Variants in LYRM4 observed in about 807,000 individuals in gnomAD.
LYRM4 encodes the protein LYR motif containing 4.
Under a neutral mutation model 11.7 loss-of-function variants are expected in LYRM4, and 9 were observed. That is an observed-to-expected ratio of 0.77 (90% confidence interval 0.46 to 1.34). The LOEUF is 1.34. Ranked by LOEUF, LYRM4 falls within the 40% of genes most tolerant of loss-of-function variation. The pLI is 0.00. For missense variants in LYRM4, 133 were observed against 112.5 expected (o/e 1.18, Z -0.82); for synonymous variants, 42 against 40.4 (o/e 1.04, Z -0.15).
the LYRM4 span, chr6:5,054,100 G>C: frequency 1.0e-6 from 1 of 984,946 alleles, no homozygotes; most frequent in Non-Finnish European, 1.2e-6. Flanking sequence ...ACTAACGCCA[G>C]ATGCCTCTGT....
intron 2 of LYRM4, among the ~76,000 whole-genome samples, chr6:5,196,435 G>A (rs989442197): frequency 4.6e-5 from 7 of 152,152 alleles, no homozygotes; most frequent in East Asian, 1.9e-4. Flanking sequence ...GGACTCAGAC[G>A]GCCCTGAGTT....
chr6:5,126,188 T>A (rs1239451079), intron 2 of LYRM4, among the ~76,000 whole-genome samples: 3 of 152,220 alleles, frequency 2.0e-5, no homozygotes, highest in Non-Finnish European at 4.4e-5. Flanking sequence ...TGCAGAACAA[T>A]GACTCTTCCA....
At chr6:5,052,028 G>T in the LYRM4 span, among the ~76,000 whole-genome samples, 1 of 152,074 alleles carries the variant, frequency 6.6e-6, no homozygotes, top group Non-Finnish European at 1.5e-5. Flanking sequence ...TTCCCATTAG[G>T]CCTCACTTCC....
chr6:5,245,368 C>A (rs1485870907), intron 1 of LYRM4, among the ~76,000 whole-genome samples: 1 of 151,688 alleles, frequency 6.6e-6, no homozygotes, highest in African/African-American at 2.4e-5. Context: ...AAGCAGCACA[C>A]ACACATGCAG....
intron 2 of LYRM4, among the ~76,000 whole-genome samples, chr6:5,170,746 G>C (rs1182368798): frequency 6.6e-6 from 1 of 152,076 alleles, no homozygotes; most frequent in Non-Finnish European, 1.5e-5. Context: ...CCCCAATTGG[G>C]GATGTATAAA....
rs57538719 is a variant in LYRM4 at position 5,178,446 on chromosome 6, CTTTTT to C, written c.207+38167_207+38171del. On this transcript the variant is annotated intron_variant, in intron 2 of 2. Coordinates refer to ENST00000330636, the MANE Select transcript of LYRM4 (RefSeq NM_020408.6). ...AAAAATTGTTTAGGGATTCATAACT[CTTTTT>C]TTTTTTTTTTAATTAAGCTTCTAAA... 4.9e-5 allele frequency among the ~76,000 whole-genome samples: 7 copies of C among 143,072 alleles called. No homozygotes were observed. In the South Asian group the frequency reaches 1.4e-3, roughly 28 times the overall value. 93.9% of individuals were successfully genotyped at this position (143,072 alleles called of 152,430 possible).
At position 5,198,831 on chromosome 6, in the gene LYRM4, T is replaced by C. The variant is rs141423247; in HGVS notation, c.207+17787A>G. ...AGCCTTCTAATCTAGATCTGGTTGT[T>C]TCATGTATAAAAGGTATATCTTACA... On this transcript the variant is annotated intron_variant, in intron 2 of 2. Transcript: ENST00000330636. Among the ~76,000 whole-genome samples, 62 of 152,292 alleles carry C rather than the reference T, an allele frequency of 4.1e-4. 3 individuals are homozygous for C. The East Asian group carries it at 0.01, about 26-fold the overall frequency.
chr6:5,046,257 C>T, the LYRM4 span, among the ~76,000 whole-genome samples: 2 of 152,078 alleles, frequency 1.3e-5, no homozygotes, highest in Admixed American at 1.3e-4. Flanking sequence ...CGCCATTCTC[C>T]TGCCTCAGCC....
chr6:5,116,088 ATAC>A (rs929304839), intron 2 of LYRM4, among the ~76,000 whole-genome samples: 26 of 152,330 alleles, frequency 1.7e-4, no homozygotes, highest in African/African-American at 6.0e-4. Context: ...TATCAGTCCC[ATAC>A]TCCATGGTTC....
chr6:5,151,538 G>C (rs1758089900), intron 2 of LYRM4, among the ~76,000 whole-genome samples: 1 of 152,082 alleles, frequency 6.6e-6, no homozygotes, highest in Non-Finnish European at 1.5e-5. Context: ...TGAGCAAACG[G>C]CTCCTCTACC....
chr6:5,216,503 T>C, intron 2 of LYRM4, 115 bp downstream of exon 2: 2 of 1,205,428 alleles, frequency 1.7e-6, no homozygotes, highest in Non-Finnish European at 2.4e-6. Flanking sequence ...GGAACAGAGT[T>C]TCATGATCCT....
the LYRM4 span, among the ~76,000 whole-genome samples, chr6:5,053,672 A>T: frequency 6.6e-6 from 1 of 151,934 alleles, no homozygotes; most frequent in African/African-American, 2.4e-5. Flanking sequence ...AAGAAATTGG[A>T]CATTAAAACC....
chr6:5,143,218 A>AGTGGAGTCTGATGCTGT (rs58528949), intron 2 of LYRM4, among the ~76,000 whole-genome samples: 2 of 151,826 alleles, frequency 1.3e-5, no homozygotes, highest in African/African-American at 2.4e-5. Flanking sequence ...CTTCTGTGTG[A>AGTGGAGTCTGATGCTGT]GTCAGCACAC....
chr6:5,196,444 T>C (rs562548245), intron 2 of LYRM4, among the ~76,000 whole-genome samples: 66 of 152,296 alleles, frequency 4.3e-4, no homozygotes, highest in African/African-American at 1.5e-3. Context: ...CGGCCCTGAG[T>C]TGAGTTCCAG....
At position 5,123,564 on chromosome 6, in the gene LYRM4, T is replaced by C. The variant is rs140971985; in HGVS notation, c.208-14073A>G. Among the ~76,000 whole-genome samples, 7 of 152,334 alleles carry C rather than the reference T, an allele frequency of 4.6e-5. No homozygotes were observed. The East Asian group carries it at 1.4e-3, about 29-fold the overall frequency. On this transcript the variant is annotated intron_variant, in intron 2 of 2. Coordinates refer to ENST00000330636, the MANE Select transcript of LYRM4 (RefSeq NM_020408.6). ...GTTCAGGCAGCATGCCCTGGCCTTGTGGTCAGAAGTTGAACAACTTCCAGC... is the reference window on the plus strand; with the variant it reads ...GTTCAGGCAGCATGCCCTGGCCTTGCGGTCAGAAGTTGAACAACTTCCAGC...
At chr6:5,228,663 G>C (rs1204537393) in intron 1 of LYRM4, among the ~76,000 whole-genome samples, 1 of 151,848 alleles carries the variant, frequency 6.6e-6, no homozygotes, top group Non-Finnish European at 1.5e-5. Flanking sequence ...AAACTTAATG[G>C]TTTAAATATC....
At chr6:5,250,884 A>C (rs1764399199) in intron 1 of LYRM4, among the ~76,000 whole-genome samples, 2 of 152,216 alleles carry the variant, frequency 1.3e-5, no homozygotes, top group Non-Finnish European at 2.9e-5. Flanking sequence ...ATAGAGAGCA[A>C]AACTCTTATT....
At chr6:5,037,758 G>A in the LYRM4 span, among the ~76,000 whole-genome samples, 1 of 56,258 alleles carries the variant, frequency 1.8e-5, no homozygotes, top group Admixed American at 2.4e-4. Context: ...CCCAGTAGGG[G>A]CGGCCGGGCA....
chr6:5,124,613 A>G (rs150334816), intron 2 of LYRM4, among the ~76,000 whole-genome samples: 4 of 152,302 alleles, frequency 2.6e-5, no homozygotes, highest in African/African-American at 9.6e-5. Context: ...TTCAATCACC[A>G]TGATGGCAAG....
Sources: allele counts gnomAD v4.1 joint callset (sites outside exome capture counted in the v4.1 genomes callset), GRCh38; gene constraint gnomAD v4.1.1; transcripts MANE v1.5; gene names NCBI Gene and HGNC (gene_info 2026-07-23, HGNC 2026-07-21).